FEZ2: variants seen among roughly 807,000 people sequenced by gnomAD.
The protein encoded by FEZ2 is fasciculation and elongation protein zeta-2.
Under a neutral mutation model 40.4 loss-of-function variants are expected in FEZ2, and 51 were observed. The observed-to-expected ratio is 1.26, with a 90% CI of 1.01 to 1.59. The LOEUF (loss-of-function observed/expected upper bound fraction) is 1.59. Ranked by LOEUF, FEZ2 falls within the 40% of genes most tolerant of loss-of-function variation. The pLI is 0.00. For missense variants in FEZ2, 640 were observed against 438.3 expected, an observed-to-expected ratio of 1.46 and a Z score of -4.11; for synonymous variants, 242 against 172.0, an observed-to-expected ratio of 1.41 and a Z score of -3.18.
intron 1 of FEZ2, among the ~76,000 whole-genome samples, chr2:36,596,887 G>T (rs1040611753): frequency 7.9e-5 from 12 of 152,206 alleles, no homozygotes; most frequent in African/African-American, 2.2e-4. Context: ...GTAAAACCAT[G>T]GTACCTAATT....
chr2:36,581,364 T>C lies in FEZ2; in HGVS notation c.560A>G (p.Gln187Arg), dbSNP rs1421651069. The change falls in exon 4 of 8, where the codon CAG becomes CGG. Residue 187 changes from glutamine to arginine, a missense_variant. Physicochemically the swap from Gln to Arg is conservative, Grantham distance 43 (BLOSUM62 1). Coordinates refer to ENST00000405912, the MANE Select transcript of FEZ2 (RefSeq NM_005102.3). ...PDPEDDETPT[Q>R]SDRLSMLSQE... The stretch of plus-strand genomic sequence containing the variant: ...GGAAAGCATTGAAAGCCGATCTGAC[T>C]GTGTAGGGGTTTCATCATCTTCTGG... 3.1e-6 allele frequency: 5 copies of C among 1,613,394 alleles called. No individual in the cohort carries two copies. Among genetic ancestry groups the C allele is most frequent in the Non-Finnish European group, 4.2e-6 (5 of 1,179,450 alleles).
At chr2:36,560,951 T>C (rs958343737) in intron 5 of FEZ2, 6 of 771,028 alleles carry the variant, frequency 7.8e-6, no homozygotes, top group African/African-American at 5.3e-5. Flanking sequence ...TGATGACTTA[T>C]GTGCCCAAGA....
At chr2:36,569,527 T>C (rs1218036217) in intron 5 of FEZ2, among the ~76,000 whole-genome samples, 1 of 152,094 alleles carries the variant, frequency 6.6e-6, no homozygotes, top group African/African-American at 2.4e-5. Context: ...TTCTGAACAA[T>C]AAAAAGAAAA....
At chr2:36,579,527 T>C (rs848640) in intron 4 of FEZ2, among the ~76,000 whole-genome samples, 72,657 of 151,526 alleles carry the variant, frequency 0.48, 18,639 homozygotes, top group East Asian at 0.85. Context: ...TGAGACCTGG[T>C]TGTTTAAAAG....
chr2:36,595,278 TACA>T lies in FEZ2; in HGVS notation c.266+2596_266+2598del, dbSNP rs760719613. On this transcript the variant is annotated intron_variant, in intron 1 of 7. Transcript: ENST00000405912. ...ACTGTCATATATCATGAAATAATTTTACAACTCACCATAACGTAGAATCAATGG... is the reference window on the plus strand; with the variant it reads ...ACTGTCATATATCATGAAATAATTTTACTCACCATAACGTAGAATCAATGG... 7.2e-5 allele frequency among the ~76,000 whole-genome samples: 11 copies of T among 152,156 alleles called. No individual in the cohort carries two copies. In the East Asian group the frequency reaches 7.7e-4, roughly 11 times the overall value.
chr2:36,593,210 C>G lies in FEZ2; in HGVS notation c.267-2199G>C, dbSNP rs536397402. Among the ~76,000 whole-genome samples, 34 of 152,266 alleles carry G rather than the reference C, an allele frequency of 2.2e-4. 1 individual carries two copies. Among genetic ancestry groups the G allele is most frequent in the Non-Finnish European group, 1.6e-4 (11 of 68,030 alleles). ...GAGGCCTCAGAATCATGGTGGGAGACAAAAGGCACTTCTTACATGGTGGCA... is the reference window on the plus strand; with the variant it reads ...GAGGCCTCAGAATCATGGTGGGAGAGAAAAGGCACTTCTTACATGGTGGCA... On this transcript the variant is annotated intron_variant, in intron 1 of 7. Transcript: ENST00000405912.
chr2:36,571,212 C>T (rs1039476839), intron 5 of FEZ2, among the ~76,000 whole-genome samples: 1 of 151,990 alleles, frequency 6.6e-6, no homozygotes, highest in Non-Finnish European at 1.5e-5. Context: ...AAATAATAGC[C>T]ATTATATAGT....
intron 5 of FEZ2, among the ~76,000 whole-genome samples, chr2:36,575,241 G>C (rs1668528044): frequency 6.6e-6 from 1 of 152,178 alleles, no homozygotes; most frequent in Admixed American, 6.5e-5. Context: ...TGTAAGTGGA[G>C]TGGTGTGACC....
rs776143643 is a variant in FEZ2 at position 36,578,769 on chromosome 2, G to A, written c.731C>T (p.Ala244Val). 1 of 1,613,830 alleles carries A rather than the reference G, an allele frequency of 6.2e-7. No individual in the cohort carries two copies. The highest frequency in any genetic ancestry group is 2.2e-5 in the East Asian group (1 of 44,880). The change falls in exon 5 of 8, where the codon GCT becomes GTT. Residue 244 changes from alanine (A) to valine (V), a missense_variant. By Grantham distance (64) the Ala-to-Val change is moderately conservative (BLOSUM62 0). Transcript: ENST00000405912. Reference protein sequence around the residue: ...EYSEELVQQLALRDELEFEKE... With the variant: ...EYSEELVQQLVLRDELEFEKE... ...TTCAAACTCCAGTTCATCTCGTAAA[G>A]CCAACTGCTGCACCAGCTCCTCAGA... is the stretch of plus-strand genomic sequence containing the variant.
At chr2:36,582,527 C>A (rs765268787) in intron 3 of FEZ2, among the ~76,000 whole-genome samples, 8 of 152,178 alleles carry the variant, frequency 5.3e-5, no homozygotes, top group Middle Eastern at 3.2e-3. Flanking sequence ...TCATGTCTAT[C>A]CCTAGATTAC....
intron 1 of FEZ2, chr2:36,594,655 G>A (rs1669161749): frequency 6.5e-6 from 1 of 153,044 alleles, no homozygotes; most frequent in South Asian, 2.1e-4. Flanking sequence ...TACAATTCAA[G>A]TTGAGATTTG....
Position 36,561,727 on chromosome 2 carries a change from G to C in FEZ2, c.904-3214C>G, listed in dbSNP as rs149951021. Among the ~76,000 whole-genome samples the C allele has an allele frequency of 1.1e-3, 160 of 152,238 alleles. 4 individuals are homozygous for C. In the East Asian group the frequency reaches 0.022, roughly 21 times the overall value. On this transcript the variant is annotated intron_variant, in intron 5 of 7. Coordinates refer to ENST00000405912, the MANE Select transcript of FEZ2 (RefSeq NM_005102.3). ...ATGACTAATTAAGGGGAAAGGCTTC[G>C]TGAAAAGGAAGTGAAGGCCTGACTC...
Position 36,590,902 on chromosome 2 carries a change from C to A in FEZ2, c.375+1G>T, listed in dbSNP as rs1669051782. 1.9e-6 allele frequency: 3 copies of A among 1,548,274 alleles called. No individual in the cohort carries two copies. The highest frequency in any genetic ancestry group is 2.2e-5 in the East Asian group (1 of 44,600). ...CACTATTGGTTCAATTCCTAACTTACCCCTTTTTCTGAGAGGTTCAGAGTA... is the reference window on the plus strand; with the variant it reads ...CACTATTGGTTCAATTCCTAACTTAACCCTTTTTCTGAGAGGTTCAGAGTA... On this transcript the variant is annotated splice_donor_variant, in intron 2 of 7. Transcript: ENST00000405912. LOFTEE classifies it high-confidence loss of function.
At chr2:36,560,347 T>A (rs13392092) in intron 5 of FEZ2, among the ~76,000 whole-genome samples, 21 of 152,212 alleles carry the variant, frequency 1.4e-4, no homozygotes, top group African/African-American at 5.1e-4. Flanking sequence ...ACTCTATACA[T>A]ATTTTTGACC....
chr2:36,569,413 T>C (rs538088375), intron 5 of FEZ2, among the ~76,000 whole-genome samples: 87 of 152,288 alleles, frequency 5.7e-4, no homozygotes, highest in African/African-American at 2.0e-3. Flanking sequence ...TCCTAGCTGA[T>C]AGGACTGAAA....
chr2:36,586,281 G>A (rs1406398807), intron 2 of FEZ2, among the ~76,000 whole-genome samples: 3 of 152,114 alleles, frequency 2.0e-5, no homozygotes, highest in Non-Finnish European at 4.4e-5. Flanking sequence ...GCAACTTGAG[G>A]ACCATGATTT....
At chr2:36,588,644 C>T (rs1248432118) in intron 2 of FEZ2, among the ~76,000 whole-genome samples, 2 of 151,842 alleles carry the variant, frequency 1.3e-5, no homozygotes, top group Non-Finnish European at 2.9e-5. Context: ...CTTATAATAC[C>T]TAATACAAGG....
intron 2 of FEZ2, among the ~76,000 whole-genome samples, chr2:36,588,448 C>T (rs551163135): frequency 4.6e-5 from 7 of 152,264 alleles, no homozygotes; most frequent in African/African-American, 1.4e-4. Context: ...AAGGGAGCAA[C>T]CTCCCAAGAT....
At chr2:36,560,264 C>T (rs756792907) in intron 5 of FEZ2, among the ~76,000 whole-genome samples, 11 of 152,198 alleles carry the variant, frequency 7.2e-5, no homozygotes, top group Non-Finnish European at 1.3e-4. Context: ...CCTCGTTTGG[C>T]AGACAACTGA....
Sources: gnomAD v4.1 joint callset for allele counts (sites outside exome capture counted in the v4.1 genomes callset) on GRCh38, gnomAD v4.1.1 for gene constraint, MANE v1.5 for transcripts, NCBI Gene and HGNC (gene_info 2026-07-23, HGNC 2026-07-21) for gene names.